The following CTNNA1 variants were observed in gnomAD, a reference collection of about 807,000 sequenced individuals.
CTNNA1 encodes the protein catenin alpha-1.
In CTNNA1, 37 loss-of-function variants were observed where a neutral mutation model predicts 98.4. That is an observed-to-expected ratio of 0.38 (90% confidence interval 0.29 to 0.49). CTNNA1 has a LOEUF of 0.49. Among genes scored for constraint, CTNNA1 ranks in the 20% least tolerant of loss-of-function variants. The pLI is 0.95. For missense variants in CTNNA1, 761 were observed against 1,147.2 expected (o/e 0.66, Z 4.86); for synonymous variants, 404 against 413.2 (o/e 0.98, Z 0.27).
At chr5:138,777,894 G>A in intron 1 of CTNNA1, among the ~76,000 whole-genome samples, 1 of 99,112 alleles carries the variant, frequency 1.0e-5, no homozygotes, top group South Asian at 4.5e-4. Context: ...AGGGAGAGGA[G>A]GGAGAGGGAG....
At position 138,794,086 on chromosome 5, in the gene CTNNA1, C is replaced by T. The variant is rs567157125; in HGVS notation, c.301+10714C>T. Among the ~76,000 whole-genome samples the T allele has an allele frequency of 2.2e-4, 33 of 147,336 alleles. 1 individual carries two copies. In the South Asian group the frequency reaches 6.4e-3, roughly 29 times the overall value. ...AGGCTGAAGTGCAGTGGTGCAATCTCGGCTCACTGCAACCTCCGCCTCCCG... is the reference window on the plus strand; with the variant it reads ...AGGCTGAAGTGCAGTGGTGCAATCTTGGCTCACTGCAACCTCCGCCTCCCG... On this transcript the variant is annotated intron_variant, in intron 3 of 17. Coordinates refer to ENST00000302763, the MANE Select transcript of CTNNA1 (RefSeq NM_001903.5).
At chr5:138,795,000 A>G (rs1756781875) in intron 3 of CTNNA1, among the ~76,000 whole-genome samples, 1 of 151,352 alleles carries the variant, frequency 6.6e-6, no homozygotes, top group Non-Finnish European at 1.5e-5. Context: ...AAATACAAAA[A>G]TTAGCCAGAT....
intron 3 of CTNNA1, among the ~76,000 whole-genome samples, chr5:138,808,227 A>C (rs1232804033): frequency 1.3e-5 from 2 of 152,086 alleles, no homozygotes; most frequent in African/African-American, 2.4e-5. Flanking sequence ...TTTGAGACCA[A>C]ATGCCGTGTC....
chr5:138,775,714 C>CTTTTTTTTTT (rs750615535), intron 1 of CTNNA1, among the ~76,000 whole-genome samples: 4 of 82,526 alleles, frequency 4.8e-5, no homozygotes, highest in Non-Finnish European at 6.7e-5. Context: ...GGAAATATTT[C>CTTTTTTTTTT]TTTTTTTTTT....
At chr5:138,813,615 C>G (rs572202873) in intron 5 of CTNNA1, among the ~76,000 whole-genome samples, 1 of 152,298 alleles carries the variant, frequency 6.6e-6, no homozygotes, top group South Asian at 2.1e-4. Context: ...AGATGGTTGT[C>G]AGTAAACACA....
chr5:138,909,988 C>T (rs1055165923), intron 10 of CTNNA1, among the ~76,000 whole-genome samples: 11 of 152,136 alleles, frequency 7.2e-5, no homozygotes, highest in African/African-American at 2.4e-4. Flanking sequence ...CTTTGGTATT[C>T]TCTAATCTGG....
chr5:138,758,318 C>T (rs536285074), intron 1 of CTNNA1, among the ~76,000 whole-genome samples: 6 of 152,296 alleles, frequency 3.9e-5, no homozygotes, highest in Admixed American at 3.9e-4. Context: ...TCTCCTGCCT[C>T]AGCCTCCCTA....
At chr5:138,819,126 A>G (rs1759751009) in intron 5 of CTNNA1, among the ~76,000 whole-genome samples, 1 of 152,042 alleles carries the variant, frequency 6.6e-6, no homozygotes, top group South Asian at 2.1e-4. Context: ...GTATGTAGCT[A>G]CAATTTGGGA....
intron 1 of CTNNA1, among the ~76,000 whole-genome samples, chr5:138,758,295 G>A (rs1247144909): frequency 3.3e-5 from 5 of 152,006 alleles, no homozygotes; most frequent in Admixed American, 6.6e-5. Flanking sequence ...TCCGCCTCCC[G>A]GGTTCATGCC....
intron 7 of CTNNA1, among the ~76,000 whole-genome samples, chr5:138,843,798 A>C (rs1055326696): frequency 6.6e-6 from 1 of 152,232 alleles, no homozygotes; most frequent in Non-Finnish European, 1.5e-5. Flanking sequence ...TTCTAGGGGC[A>C]GTGGCCCAGC....
chr5:138,916,498 G>C (rs1761802645), intron 10 of CTNNA1, among the ~76,000 whole-genome samples: 1 of 151,054 alleles, frequency 6.6e-6, no homozygotes, highest in African/African-American at 2.4e-5. Context: ...AAAGTGCTGG[G>C]ATTACGAGCT....
rs759641978 is a variant in CTNNA1, at chr5:138,781,970, A to G, written c.46A>G (p.Lys16Glu). 1.9e-6 allele frequency: 3 copies of G among 1,602,006 alleles called. No individual in the cohort carries two copies. The highest frequency in any genetic ancestry group is 2.3e-5 in the South Asian group (2 of 87,964). Residue 16 changes from lysine (K) to glutamate (E), a missense_variant, in exon 2 of 18, where the codon AAA becomes GAA. Physicochemically the swap from Lys to Glu is moderately conservative, Grantham distance 56 (BLOSUM62 1). Around this residue, in one of 6 missense-constraint regions of CTNNA1, gnomAD observed 328 missense variants for 354.3 expected, o/e 0.93. Coordinates refer to ENST00000302763, the MANE Select transcript of CTNNA1 (RefSeq NM_001903.5). ...CAACATAAACTTCAAGTGGGATCCT[A>G]AAAGTCTAGAGATCAGGACTCTGGC... ...AGNINFKWDP[K>E]SLEIRTLAVE... is the part of the protein sequence containing the mutation.
chr5:138,842,366 C>T (rs1320929267), intron 7 of CTNNA1, among the ~76,000 whole-genome samples: 2 of 152,124 alleles, frequency 1.3e-5, no homozygotes, highest in Admixed American at 6.5e-5. Flanking sequence ...CACTTGTTGC[C>T]AGGAGCAGAG....
At chr5:138,771,032 A>C (rs1204970817) in intron 1 of CTNNA1, among the ~76,000 whole-genome samples, 1 of 151,532 alleles carries the variant, frequency 6.6e-6, no homozygotes, top group Non-Finnish European at 1.5e-5. Flanking sequence ...TTGCCATTAC[A>C]CTGCTTAATT....
At chr5:138,822,478 G>A (rs1760139504) in intron 5 of CTNNA1, among the ~76,000 whole-genome samples, 1 of 152,168 alleles carries the variant, frequency 6.6e-6, no homozygotes, top group Non-Finnish European at 1.5e-5. Flanking sequence ...TGATTGCAAA[G>A]CATTTTTATA....
intron 1 of CTNNA1, among the ~76,000 whole-genome samples, chr5:138,755,672 A>G (rs906410167): frequency 1.3e-5 from 2 of 152,018 alleles, no homozygotes; most frequent in African/African-American, 4.8e-5. Flanking sequence ...CAAGCCTTTG[A>G]GTGCAGGTGT....
At chr5:138,857,763 T>A (rs552540219) in intron 7 of CTNNA1, among the ~76,000 whole-genome samples, 4 of 152,258 alleles carry the variant, frequency 2.6e-5, no homozygotes, top group South Asian at 4.1e-4. Context: ...GTAGAGGTGC[T>A]ATACTTTGAA....
intron 7 of CTNNA1, among the ~76,000 whole-genome samples, chr5:138,865,778 C>T (rs940436473): frequency 4.6e-5 from 7 of 152,098 alleles, no homozygotes; most frequent in Non-Finnish European, 1.0e-4. Flanking sequence ...GTTAAGAGTC[C>T]TGCTTTTGAT....
intron 13 of CTNNA1, among the ~76,000 whole-genome samples, chr5:138,927,641 T>C (rs1764383507): frequency 6.6e-6 from 1 of 152,210 alleles, no homozygotes; most frequent in Non-Finnish European, 1.5e-5. Context: ...CATTAGAATA[T>C]GCGAGAGGAA....
Sources: gnomAD v4.1 joint callset for allele counts (sites outside exome capture counted in the v4.1 genomes callset) on GRCh38, gnomAD v4.1.1 for gene constraint, gnomAD v4.1.1 regional missense constraint, MANE v1.5 for transcripts, NCBI Gene and HGNC (gene_info 2026-07-23, HGNC 2026-07-21) for gene names.